SSX3: variants seen among roughly 807,000 people sequenced by gnomAD.
SSX3 encodes SSX family member 3.
In SSX3, 6 loss-of-function variants were observed where a neutral mutation model predicts 14.8. The observed-to-expected ratio is 0.41, with a 90% CI of 0.22 to 0.80. SSX3 has a LOEUF of 0.80. Ranked by LOEUF, SSX3 falls within the 30% of genes least tolerant of loss-of-function variation. SSX3 has a pLI of 0.34. For missense variants in SSX3, 163 were observed against 152.2 expected (o/e 1.07, Z -0.37); for synonymous variants, 55 against 52.9 (o/e 1.04, Z -0.18).
chrX:48,356,003 C>T (rs1556950991), intron 1 of SSX3, among the ~76,000 whole-genome samples: 1 of 110,760 alleles, frequency 9.0e-6, no homozygotes, highest in African/African-American at 3.3e-5. Flanking sequence ...ACAGCAAAAC[C>T]CCCGTCTACA....
chrX:48,353,461 C>A (rs1289517756), intron 4 of SSX3, among the ~76,000 whole-genome samples: 3 of 110,979 alleles, frequency 2.7e-5, no homozygotes, highest in African/African-American at 9.8e-5. Context: ...CCCGTCTCTA[C>A]CATAAATTAA....
In SSX3 at chrX:48,347,127, A is replaced by C. The variant is rs782702263; in HGVS notation, c.*5-92T>G. On this transcript the variant is annotated intron_variant, in intron 7 of 7. Transcript: ENST00000298396. ...ACTCCTCCTGACCTGCAGACCCTGC[A>C]CACTCCGATTCTGCCCTATCTCAGG... 312 of 1,100,848 alleles carry C rather than the reference A, an allele frequency of 2.8e-4. 1 individual carries two copies. The highest frequency in any genetic ancestry group is 2.4e-3 in the African/African-American group (135 of 55,410). 90.7% of individuals were successfully genotyped at this position (1,100,848 alleles called of 1,213,427 possible). A position where few individuals can be genotyped will look rare whatever the true frequency, so the allele number is the denominator to read the frequency against.
chrX:48,350,240 A>G (rs2061256466), intron 5 of SSX3, 118 bp from the exon 6 acceptor site: 1 of 1,059,298 alleles, frequency 9.4e-7, no homozygotes, highest in East Asian at 3.1e-5. Flanking sequence ...ACACTGGGAG[A>G]GTTACACAGG....
chrX:48,349,062 G>C (rs782548279), intron 6 of SSX3, among the ~76,000 whole-genome samples: 2 of 112,471 alleles, frequency 1.8e-5, no homozygotes, highest in African/African-American at 6.4e-5. Flanking sequence ...GTGGCTACAC[G>C]AAACAACAGA....
chrX:48,350,021 T>G lies in SSX3; in HGVS notation c.432A>C (p.Lys144Asn). The G allele has an allele frequency of 8.3e-7, 1 of 1,211,703 alleles. No individual in the cohort carries two copies. The highest frequency in any genetic ancestry group is 1.1e-6 in the Non-Finnish European group (1 of 895,507). Reference protein sequence around the residue: ...NDGKQLCPPGKPTTSEKINMI... With the variant: ...NDGKQLCPPGNPTTSEKINMI... ...TGTTAATCTTCTCAGAGGTAGTTGG[T>G]TTTCCCGGGGGGCACAGCTGTTTCC... is the stretch of plus-strand genomic sequence containing the variant. The change falls in exon 6 of 8, where the codon AAA becomes AAC. Residue 144 changes from lysine to asparagine, a missense_variant. Coordinates refer to ENST00000298396, the MANE Select transcript of SSX3 (RefSeq NM_021014.4).
At chrX:48,354,386 G>A (rs1312071855) in intron 3 of SSX3, among the ~76,000 whole-genome samples, 3 of 108,916 alleles carry the variant, frequency 2.8e-5, no homozygotes, top group African/African-American at 1.0e-4. Flanking sequence ...AGACAGTTGG[G>A]CTCATCAGAA....
At chrX:48,354,122 T>G (rs1556950487) in intron 3 of SSX3, 28 bp from the exon 4 acceptor site, 1 of 1,156,260 alleles carries the variant, frequency 8.6e-7, no homozygotes, top group South Asian at 1.8e-5. Flanking sequence ...GTTTATTCCT[T>G]AAGAGACAAG....
chrX:48,355,914 G>C (rs1446612931), intron 1 of SSX3, among the ~76,000 whole-genome samples: 7 of 111,921 alleles, frequency 6.3e-5, no homozygotes, highest in African/African-American at 2.3e-4. Context: ...CAGTGGCTCA[G>C]GCCTGTAATC....
rs782140533 is a variant in SSX3, at chrX:48,354,633, T to C, written c.183A>G (p.Leu61=). The C allele has an allele frequency of 7.5e-6, 9 of 1,202,169 alleles. No individual in the cohort carries two copies. The change falls in exon 3 of 8, where the codon CTA becomes CTG. Residue 61 remains leucine (L), a splice_region_variant and synonymous_variant. Transcript: ENST00000298396. ...MKRKYEAMTK[L]GFKAILPSFM... is the part of the protein sequence containing the mutation. ...TCTGTACCTAGAACTTTCTGTTACC[T>C]AGTTTAGTCATGGCCTCATACTTTC...
At chrX:48,353,944 C>G (rs2061274048) in intron 4 of SSX3, 55 bp downstream of exon 4, 1 of 1,130,106 alleles carries the variant, frequency 8.8e-7, no homozygotes, top group African/African-American at 1.8e-5. Flanking sequence ...GGTAGCTGAG[C>G]TGAAAAGCAA....
At chrX:48,355,766 A>G (rs2061284474) in intron 1 of SSX3, among the ~76,000 whole-genome samples, 1 of 111,889 alleles carries the variant, frequency 8.9e-6, no homozygotes, top group African/African-American at 3.2e-5. Flanking sequence ...CATCGCTAAT[A>G]TGAATGTGTT....
chrX:48,348,844 A>G (rs1191072897), intron 6 of SSX3, among the ~76,000 whole-genome samples: 1 of 112,456 alleles, frequency 8.9e-6, no homozygotes, highest in Non-Finnish European at 1.9e-5. Flanking sequence ...TCTAATTCAG[A>G]GCAAGACCAG....
At chrX:48,353,609 G>A (rs1383212708) in intron 4 of SSX3, among the ~76,000 whole-genome samples, 1 of 110,889 alleles carries the variant, frequency 9.0e-6, no homozygotes, top group Non-Finnish European at 1.9e-5. Context: ...TGGCCGAGAA[G>A]AGTGAAACTC....
intron 3 of SSX3, among the ~76,000 whole-genome samples, 155 bp downstream of exon 3, chrX:48,354,477 A>C (rs782095252): frequency 2.9e-4 from 32 of 109,516 alleles, no homozygotes; most frequent in South Asian, 8.2e-4. Flanking sequence ...CCCTGACAGG[A>C]TATAGAAGAG....
At position 48,346,988 on chromosome X, in the gene SSX3, G is replaced by A; in HGVS notation, c.*52C>T. 1 of 1,198,034 alleles carries A rather than the reference G, an allele frequency of 8.3e-7. No individual in the cohort carries two copies. On this transcript the variant is annotated 3_prime_UTR_variant, in exon 8 of 8. Coordinates refer to ENST00000298396, the MANE Select transcript of SSX3 (RefSeq NM_021014.4). ...ACAGCCATGCCCATGTTCGTGAAAGGTCACCACGTTCTGCTTCTCATCATG... is the reference window on the plus strand; with the variant it reads ...ACAGCCATGCCCATGTTCGTGAAAGATCACCACGTTCTGCTTCTCATCATG...
chrX:48,355,158 C>G (rs782518131), intron 2 of SSX3, 23 bp downstream of exon 2: 14 of 1,207,143 alleles, frequency 1.2e-5, no homozygotes, highest in Non-Finnish European at 1.0e-5. Flanking sequence ...GGTCACTACT[C>G]TGCTCCCTCT....
chrX:48,355,086 C>G (rs1470214896), intron 2 of SSX3, 95 bp downstream of exon 2: 1 of 1,202,381 alleles, frequency 8.3e-7, no homozygotes, highest in East Asian at 3.0e-5. Context: ...GACCCTGCTC[C>G]TTGTCTCCAG....
In SSX3 at chrX:48,347,032, A is replaced by C. The variant is rs146610033; in HGVS notation, c.*8T>G. 1.0e-5 allele frequency: 12 copies of C among 1,197,993 alleles called. No individual in the cohort carries two copies. In the East Asian group the frequency reaches 3.5e-4, roughly 35 times the overall value. ...CATCATGGGCATGTGTCATATCCCC[A>C]AGGCTGAGGCAAGAAGAGAGAAGGA... On this transcript the variant is annotated 3_prime_UTR_variant, in exon 8 of 8. Transcript: ENST00000298396.
Position 48,347,020 on chromosome X carries a change from T to A in SSX3, c.*20A>T. Reference sequence around the variant, plus strand: ...CGTTCTGCTTCTCATCATGGGCATGTGTCATATCCCCAAGGCTGAGGCAAG... The same window carrying A: ...CGTTCTGCTTCTCATCATGGGCATGAGTCATATCCCCAAGGCTGAGGCAAG... On this transcript the variant is annotated 3_prime_UTR_variant, in exon 8 of 8. Transcript: ENST00000298396. 7.5e-6 allele frequency: 9 copies of A among 1,198,022 alleles called. No homozygotes were observed. The highest frequency in any genetic ancestry group is 1.0e-5 in the Non-Finnish European group (9 of 895,274).
Sources: allele counts gnomAD v4.1 joint callset (sites outside exome capture counted in the v4.1 genomes callset), GRCh38; gene constraint gnomAD v4.1.1; transcripts MANE v1.5; gene names NCBI Gene and HGNC (gene_info 2026-07-23, HGNC 2026-07-21).